Variants in DYRK1A observed in about 807,000 individuals in gnomAD.
DYRK1A encodes dual specificity tyrosine-phosphorylation-regulated kinase 1A.
DYRK1A carries 9 observed loss-of-function variants against 79.7 expected under a neutral mutation model. The observed-to-expected ratio is 0.11, with a 90% CI of 0.07 to 0.20. The LOEUF (loss-of-function observed/expected upper bound fraction) is 0.20. DYRK1A is among the 10% of genes least tolerant of loss of function. The pLI is 1.00. For missense variants in DYRK1A, 622 were observed against 956.0 expected (o/e 0.65, Z 4.61); for synonymous variants, 349 against 329.7 (o/e 1.06, Z -0.63).
chr21:37,423,069 A>G (rs1019925315), intron 2 of DYRK1A, among the ~76,000 whole-genome samples: 7 of 152,176 alleles, frequency 4.6e-5, no homozygotes, highest in African/African-American at 1.7e-4. Context: ...TCTGCATACA[A>G]GGATCCCTGA....
intron 1 of DYRK1A, among the ~76,000 whole-genome samples, chr21:37,389,988 A>G (rs992634148): frequency 4.6e-5 from 7 of 151,320 alleles, no homozygotes; most frequent in African/African-American, 1.7e-4. Context: ...CAGTGGCACA[A>G]TCACAACTCA....
At chr21:37,388,100 A>ATTTTTTTT (rs34571307) in intron 1 of DYRK1A, among the ~76,000 whole-genome samples, 4 of 116,636 alleles carry the variant, frequency 3.4e-5, no homozygotes, top group African/African-American at 6.8e-5. Flanking sequence ...CTTCCCTTTG[A>ATTTTTTTT]TTTTTTTTTT....
intron 1 of DYRK1A, among the ~76,000 whole-genome samples, chr21:37,401,775 G>A (rs1361003287): frequency 6.6e-6 from 1 of 151,996 alleles, no homozygotes; most frequent in African/African-American, 2.4e-5. Flanking sequence ...GAGTCACCAC[G>A]CCCAGCCAAT....
At chr21:37,387,894 A>G (rs1721301087) in intron 1 of DYRK1A, among the ~76,000 whole-genome samples, 1 of 152,216 alleles carries the variant, frequency 6.6e-6, no homozygotes, top group Non-Finnish European at 1.5e-5. Context: ...TACAGCAGAT[A>G]CAGTTTGAAT....
At position 37,427,473 on chromosome 21, in the gene DYRK1A, A is replaced by G. The variant is rs538859030; in HGVS notation, c.10+7089A>G. ...AAAATTTAAACATTCTCCAGCATCAATATTCTTCTATAGTACTGTTTTAAA... is the reference window on the plus strand; with the variant it reads ...AAAATTTAAACATTCTCCAGCATCAGTATTCTTCTATAGTACTGTTTTAAA... On this transcript the variant is annotated intron_variant, in intron 2 of 11. Transcript: ENST00000647188. Among the ~76,000 whole-genome samples the G allele has an allele frequency of 9.2e-5, 14 of 152,282 alleles. No homozygotes were observed. In the South Asian group the frequency reaches 1.0e-3, roughly 11 times the overall value.
intron 1 of DYRK1A, among the ~76,000 whole-genome samples, chr21:37,394,924 T>C (rs2049933832): frequency 6.6e-6 from 1 of 152,214 alleles, no homozygotes; most frequent in African/African-American, 2.4e-5. Flanking sequence ...CTGGGTTACG[T>C]GTTACAGTTC....
At chr21:37,504,365 C>A (rs968368264) in intron 9 of DYRK1A, 1 of 152,296 alleles carries the variant, frequency 6.6e-6, no homozygotes, top group Non-Finnish European at 1.5e-5. Context: ...GGAGTCTTCT[C>A]GCTCATCTGT....
chr21:37,417,260 G>T (rs377098671), intron 1 of DYRK1A, among the ~76,000 whole-genome samples: 1 of 151,880 alleles, frequency 6.6e-6, no homozygotes, highest in African/African-American at 2.4e-5. Flanking sequence ...GCATGATCTC[G>T]GTTCACTGCA....
chr21:37,498,830 G>T (rs1045062077), intron 9 of DYRK1A, among the ~76,000 whole-genome samples: 1 of 152,110 alleles, frequency 6.6e-6, no homozygotes, highest in Non-Finnish European at 1.5e-5. Context: ...ATTTTGTATG[G>T]TTTGTCTGTT....
chr21:37,369,001 G>A (rs2049376006), intron 1 of DYRK1A, among the ~76,000 whole-genome samples: 1 of 152,054 alleles, frequency 6.6e-6, no homozygotes, highest in Non-Finnish European at 1.5e-5. Context: ...GTCAATTTTT[G>A]AATGAAAGGA....
intron 1 of DYRK1A, among the ~76,000 whole-genome samples, chr21:37,387,874 T>G (rs1363325896): frequency 6.6e-6 from 1 of 152,238 alleles, no homozygotes; most frequent in Non-Finnish European, 1.5e-5. Context: ...TTCATGGCCT[T>G]CTAGCTTCAT....
Position 37,431,910 on chromosome 21 carries a change from T to C in DYRK1A, c.10+11526T>C, listed in dbSNP as rs114047203. ...GCAAGAAATTGATACAAAAATACTT[T>C]ATGTAGTTTGTATAGATGAAGTTGC... is the stretch of plus-strand genomic sequence containing the variant. On this transcript the variant is annotated intron_variant, in intron 2 of 11. Coordinates refer to ENST00000647188, the MANE Select transcript of DYRK1A (RefSeq NM_001347721.2). Among the ~76,000 whole-genome samples, 1,384 of 152,044 alleles carry C rather than the reference T, an allele frequency of 9.1e-3. 19 individuals carry two copies. The highest frequency in any genetic ancestry group is 0.032 in the African/African-American group (1,322 of 41,440).
At chr21:37,484,868 C>T (rs2052797960) in intron 5 of DYRK1A, among the ~76,000 whole-genome samples, 1 of 152,186 alleles carries the variant, frequency 6.6e-6, no homozygotes, top group Non-Finnish European at 1.5e-5. Context: ...CAGACTGATA[C>T]TTCCCCTCTT....
intron 2 of DYRK1A, among the ~76,000 whole-genome samples, chr21:37,451,171 A>G (rs1197225696): frequency 2.6e-5 from 4 of 152,250 alleles, no homozygotes; most frequent in Admixed American, 2.0e-4. Context: ...AAAGAATCCA[A>G]AAGTTAAAAA....
chr21:37,468,852 T>A (rs1264243215), intron 2 of DYRK1A, among the ~76,000 whole-genome samples: 1 of 152,134 alleles, frequency 6.6e-6, no homozygotes, highest in Non-Finnish European at 1.5e-5. Context: ...TTGATAAAAT[T>A]AAGAACTTTT....
chr21:37,375,366 A>G (rs897442369), intron 1 of DYRK1A, among the ~76,000 whole-genome samples: 2 of 152,138 alleles, frequency 1.3e-5, no homozygotes, highest in Non-Finnish European at 2.9e-5. Context: ...ACATGATTAG[A>G]AGGAACAAAG....
chr21:37,493,538 G>A (rs762667876), intron 8 of DYRK1A, among the ~76,000 whole-genome samples: 3 of 152,194 alleles, frequency 2.0e-5, no homozygotes, highest in Non-Finnish European at 2.9e-5. Context: ...GAAGAGTAAT[G>A]ATCAGTAGGA....
intron 1 of DYRK1A, among the ~76,000 whole-genome samples, chr21:37,398,027 G>A (rs994592012): frequency 2.7e-5 from 4 of 149,812 alleles, no homozygotes; most frequent in African/African-American, 9.8e-5. Flanking sequence ...ATTGCTTGAA[G>A]TTTGAGAGCA....
At chr21:37,384,102 A>G (rs1426007108) in intron 1 of DYRK1A, among the ~76,000 whole-genome samples, 1 of 152,112 alleles carries the variant, frequency 6.6e-6, no homozygotes, top group Non-Finnish European at 1.5e-5. Flanking sequence ...TTCACACCTC[A>G]GTGCAGGAAG....
Sources: allele counts gnomAD v4.1 joint callset (sites outside exome capture counted in the v4.1 genomes callset), GRCh38; gene constraint gnomAD v4.1.1; transcripts MANE v1.5; gene names NCBI Gene and HGNC (gene_info 2026-07-23, HGNC 2026-07-21).